TENM3: variants seen among roughly 807,000 people sequenced by gnomAD.
The protein encoded by TENM3 is teneurin transmembrane protein 3.
In TENM3, 63 loss-of-function variants were observed where a neutral mutation model predicts 255.1. The ratio of observed to expected loss-of-function variants is 0.25; its 90% CI spans 0.20 to 0.30. TENM3 has a LOEUF of 0.30. Ranked by LOEUF, TENM3 falls within the 10% of genes least tolerant of loss-of-function variation. The pLI is 1.00. For synonymous variants in TENM3, 1,306 were observed against 1,322.3 expected (o/e 0.99, Z 0.27); for missense variants, 2,929 against 3,461.1 (o/e 0.85, Z 3.86).
chr4:181,681,984 C>A, the TENM3 span, among the ~76,000 whole-genome samples: 1 of 151,954 alleles, frequency 6.6e-6, no homozygotes, highest in Non-Finnish European at 1.5e-5. Context: ...CCATTGCTAG[C>A]AAATGTCATA....
rs113793779 is a variant in TENM3, at chr4:182,763,047, C to T, written c.4892+7788C>T. ...GATGTAAAGAAATACTCCTTTGTAG[C>T]GCTCTCTAAAAACTACTTTTTGTTC... On this transcript the variant is annotated intron_variant, in intron 22 of 27. Transcript: ENST00000511685. Among the ~76,000 whole-genome samples, 43 of 152,284 alleles carry T rather than the reference C, an allele frequency of 2.8e-4. 1 individual carries two copies. The highest frequency in any genetic ancestry group is 9.9e-4 in the African/African-American group (41 of 41,578).
At chr4:181,978,863 T>C in the TENM3 span, among the ~76,000 whole-genome samples, 2 of 150,664 alleles carry the variant, frequency 1.3e-5, no homozygotes, top group Non-Finnish European at 3.0e-5. Flanking sequence ...TGTGGTCTCT[T>C]GTTCTGCTTA....
At chr4:181,656,154 T>C in the TENM3 span, among the ~76,000 whole-genome samples, 1 of 152,122 alleles carries the variant, frequency 6.6e-6, no homozygotes, top group East Asian at 1.9e-4. Context: ...ACACATCACT[T>C]CTTCTGTCAC....
At chr4:182,363,232 G>A (rs2150797474) in intron 3 of TENM3, among the ~76,000 whole-genome samples, 1 of 152,164 alleles carries the variant, frequency 6.6e-6, no homozygotes, top group South Asian at 2.1e-4. Context: ...CAGGGACATA[G>A]GTAACTTCTG....
chr4:182,160,148 G>C (rs1036565639), intron 1 of TENM3, among the ~76,000 whole-genome samples: 1 of 149,664 alleles, frequency 6.7e-6, no homozygotes, highest in Non-Finnish European at 1.5e-5. Flanking sequence ...GACTACAGGC[G>C]CCCGCCACCA....
At chr4:181,463,011 A>G in the TENM3 span, among the ~76,000 whole-genome samples, 1 of 152,224 alleles carries the variant, frequency 6.6e-6, no homozygotes, top group Non-Finnish European at 1.5e-5. Flanking sequence ...TTGTCTACAC[A>G]GTAAGCACAC....
At chr4:181,602,904 T>A in the TENM3 span, among the ~76,000 whole-genome samples, 1 of 150,836 alleles carries the variant, frequency 6.6e-6, no homozygotes, top group African/African-American at 2.5e-5. Context: ...AAGTTAGAAA[T>A]TTTTTTAAAA....
intron 4 of TENM3, 127 bp downstream of exon 4, chr4:182,601,288 T>C: frequency 2.7e-6 from 2 of 744,708 alleles, no homozygotes; most frequent in Non-Finnish European, 4.4e-6. Context: ...TTTTCTTCTC[T>C]AAGAAGCAGT....
the TENM3 span, among the ~76,000 whole-genome samples, chr4:181,577,993 T>C: frequency 6.6e-6 from 1 of 152,172 alleles, no homozygotes; most frequent in Non-Finnish European, 1.5e-5. Flanking sequence ...TTCATGTTGA[T>C]GAGCAAGTCC....
At chr4:182,655,322 A>G (rs1753662768) in intron 6 of TENM3, among the ~76,000 whole-genome samples, 1 of 152,216 alleles carries the variant, frequency 6.6e-6, no homozygotes, top group Non-Finnish European at 1.5e-5. Context: ...TAATTATACC[A>G]AAGAGACAAA....
At chr4:182,457,341 A>G (rs1773958366) in intron 3 of TENM3, among the ~76,000 whole-genome samples, 1 of 152,154 alleles carries the variant, frequency 6.6e-6, no homozygotes, top group African/African-American at 2.4e-5. Context: ...AGAGAAGCCA[A>G]GGCCTAATAA....
At position 182,365,644 on chromosome 4, in the gene TENM3, C is replaced by A. The variant is rs114307098; in HGVS notation, c.511+18715C>A. On this transcript the variant is annotated intron_variant, in intron 3 of 27. Transcript: ENST00000511685. ...GAGTAAATGAAAAACATAAAGCAGG[C>A]GATAAATAGCACTGGGAGGTAAATC... Among the ~76,000 whole-genome samples the A allele has an allele frequency of 1.4e-3, 213 of 152,248 alleles. 1 individual carries two copies. Among genetic ancestry groups the A allele is most frequent in the Admixed American group, 2.2e-3 (33 of 15,290 alleles).
At chr4:181,776,660 C>T in the TENM3 span, among the ~76,000 whole-genome samples, 8 of 152,092 alleles carry the variant, frequency 5.3e-5, no homozygotes, top group Non-Finnish European at 1.5e-5. Context: ...ATTTGCATTT[C>T]TCTGATGATT....
At chr4:182,516,756 T>C (rs1360470961) in intron 3 of TENM3, among the ~76,000 whole-genome samples, 4 of 152,032 alleles carry the variant, frequency 2.6e-5, no homozygotes, top group Non-Finnish European at 5.9e-5. Context: ...CTGGGCGTGA[T>C]GGCACACACC....
the TENM3 span, among the ~76,000 whole-genome samples, chr4:181,468,124 C>T: frequency 8.0e-6 from 1 of 124,552 alleles, no homozygotes; most frequent in African/African-American, 3.1e-5. Context: ...AGGGAGACCC[C>T]ATCTGTACAA....
intron 12 of TENM3, among the ~76,000 whole-genome samples, chr4:182,713,453 A>G (rs1395811714): frequency 1.3e-5 from 2 of 152,214 alleles, no homozygotes; most frequent in African/African-American, 4.8e-5. Context: ...GGCTTTGCTT[A>G]TTCTGTGACA....
intron 10 of TENM3, among the ~76,000 whole-genome samples, chr4:182,681,101 A>G (rs1756137566): frequency 6.6e-6 from 1 of 152,214 alleles, no homozygotes; most frequent in South Asian, 2.1e-4. Context: ...AAGACAGAGT[A>G]GTACACATAA....
At chr4:182,729,802 A>C (rs1041602661) in intron 14 of TENM3, among the ~76,000 whole-genome samples, 2 of 152,156 alleles carry the variant, frequency 1.3e-5, no homozygotes, top group Admixed American at 1.3e-4. Flanking sequence ...GCCCCCTTAA[A>C]TCTTATACTT....
chr4:182,139,601 T>C (rs1749256014), upstream of TENM3, among the ~76,000 whole-genome samples: 1 of 152,244 alleles, frequency 6.6e-6, no homozygotes, highest in African/African-American at 2.4e-5. Context: ...AAAGGCACTC[T>C]ATGATAACTC....
Sources: allele counts gnomAD v4.1 joint callset (sites outside exome capture counted in the v4.1 genomes callset), GRCh38; gene constraint gnomAD v4.1.1; transcripts MANE v1.5; gene names NCBI Gene and HGNC (gene_info 2026-07-23, HGNC 2026-07-21).